ITGBL1: variants seen among roughly 807,000 people sequenced by gnomAD.
ITGBL1 encodes integrin beta-like protein 1.
A neutral mutation model predicts 68.5 loss-of-function variants in ITGBL1; 51 were observed. The observed-to-expected ratio is 0.74, with a 90% CI of 0.59 to 0.94. The LOEUF (loss-of-function observed/expected upper bound fraction) is 0.94. Ranked by LOEUF, ITGBL1 falls within the 40% of genes least tolerant of loss-of-function variation. ITGBL1 has a pLI of 0.00. For synonymous variants in ITGBL1, 209 were observed against 227.3 expected (o/e 0.92, Z 0.72); for missense variants, 649 against 647.4 (o/e 1.00, Z -0.03).
intron 3 of ITGBL1, among the ~76,000 whole-genome samples, chr13:101,571,965 A>T (rs1265335083): frequency 1.3e-5 from 2 of 152,188 alleles, no homozygotes; most frequent in African/African-American, 2.4e-5. Context: ...GCACAGAATG[A>T]TCTAGTGCAC....
chr13:101,639,083 G>C (rs1019295338), intron 7 of ITGBL1, among the ~76,000 whole-genome samples: 1 of 152,152 alleles, frequency 6.6e-6, no homozygotes, highest in Non-Finnish European at 1.5e-5. Flanking sequence ...AAACGCCCCA[G>C]TCCTGTCTCC....
intron 2 of ITGBL1, among the ~76,000 whole-genome samples, chr13:101,521,556 G>C (rs1463515719): frequency 6.6e-6 from 1 of 152,034 alleles, no homozygotes; most frequent in South Asian, 2.1e-4. Flanking sequence ...GAGAAGGGAG[G>C]GTGGGAGGAG....
chr13:101,655,790 A>G (rs1292796921), intron 7 of ITGBL1, among the ~76,000 whole-genome samples: 1 of 152,226 alleles, frequency 6.6e-6, no homozygotes, highest in Non-Finnish European at 1.5e-5. Context: ...GCCACAAGTG[A>G]TAATTGGCAA....
chr13:101,539,049 TC>T (rs1164756102), intron 2 of ITGBL1, among the ~76,000 whole-genome samples: 5 of 132,336 alleles, frequency 3.8e-5, no homozygotes, highest in African/African-American at 5.4e-5. Flanking sequence ...CTGTGCTGCT[TC>T]TTTTTTTTTT....
Position 101,543,904 on chromosome 13 carries a change from C to T in ITGBL1, c.317-23795C>T, listed in dbSNP as rs531983783. ...CTCGTGCCTTGGTTTTCAGCTCCATCGGGTCCTTTAAGGACTTCTCTGCAT... is the reference window on the plus strand; with the variant it reads ...CTCGTGCCTTGGTTTTCAGCTCCATTGGGTCCTTTAAGGACTTCTCTGCAT... On this transcript the variant is annotated intron_variant, in intron 2 of 10. Transcript: ENST00000376180. Among the ~76,000 whole-genome samples, 26 of 152,336 alleles carry T rather than the reference C, an allele frequency of 1.7e-4. 1 individual carries two copies. In the South Asian group the frequency reaches 4.8e-3, roughly 28 times the overall value.
At chr13:101,519,573 T>C (rs926863283) in intron 2 of ITGBL1, among the ~76,000 whole-genome samples, 5 of 152,058 alleles carry the variant, frequency 3.3e-5, no homozygotes, top group Non-Finnish European at 7.4e-5. Flanking sequence ...AGAGAATAAA[T>C]ATAAAGTTTG....
intron 2 of ITGBL1, among the ~76,000 whole-genome samples, chr13:101,514,470 G>A (rs1024035466): frequency 1.3e-5 from 2 of 151,812 alleles, no homozygotes. Context: ...TTTTGGTTAG[G>A]AATCAGTTTT....
chr13:101,535,347 A>G (rs1223119121), intron 2 of ITGBL1, among the ~76,000 whole-genome samples: 1 of 152,088 alleles, frequency 6.6e-6, no homozygotes, highest in Non-Finnish European at 1.5e-5. Context: ...CCACTCTTTC[A>G]GAGCTCCAGG....
At chr13:101,571,925 TAGTC>T (rs2050279843) in intron 3 of ITGBL1, among the ~76,000 whole-genome samples, 2 of 148,084 alleles carry the variant, frequency 1.4e-5, no homozygotes, top group East Asian at 1.9e-4. Context: ...ATTTAGACAG[TAGTC>T]AGTATTTTGG....
intron 7 of ITGBL1, among the ~76,000 whole-genome samples, chr13:101,665,115 G>A (rs182942113): frequency 3.6e-4 from 55 of 151,820 alleles, no homozygotes; most frequent in African/African-American, 1.3e-3. Context: ...TTTTTTCTCA[G>A]CAAGGCTTTG....
chr13:101,491,088 A>G (rs1173528072), intron 2 of ITGBL1, among the ~76,000 whole-genome samples: 3 of 152,196 alleles, frequency 2.0e-5, no homozygotes, highest in Non-Finnish European at 4.4e-5. Context: ...TATAATTTGT[A>G]AGTGCTTATA....
chr13:101,456,056 C>G (rs1270328453), intron 2 of ITGBL1, among the ~76,000 whole-genome samples: 1 of 152,046 alleles, frequency 6.6e-6, no homozygotes, highest in Non-Finnish European at 1.5e-5. Context: ...CTTTTTCCCT[C>G]CCATAGAAAA....
intron 7 of ITGBL1, among the ~76,000 whole-genome samples, chr13:101,671,452 T>TTTTTTTTTTTTTTTTTG (rs1372286973): frequency 7.5e-6 from 1 of 134,096 alleles, no homozygotes; most frequent in African/African-American, 2.6e-5. Context: ...TTTTTGTTTT[T>TTTTTTTTTTTTTTTTTG]TTTTGAGACG....
At chr13:101,604,885 T>TACACACACAC (rs1449617732) in intron 7 of ITGBL1, among the ~76,000 whole-genome samples, 182 of 11,902 alleles carry the variant, frequency 0.015, 2 homozygotes, top group South Asian at 0.03. Context: ...TATATATATA[T>TACACACACAC]ATACACACAC....
chr13:101,701,588 CATTTT>C (rs2034138409), intron 8 of ITGBL1, among the ~76,000 whole-genome samples: 2 of 152,000 alleles, frequency 1.3e-5, no homozygotes, highest in Non-Finnish European at 2.9e-5. Flanking sequence ...TCTTGCATAA[CATTTT>C]ATATTATTTG....
Position 101,601,116 on chromosome 13 carries a change from G to A in ITGBL1, c.1015+2817G>A, listed in dbSNP as rs148700982. ...TATTATTGCCTCAATTTCAGAGCCTGTTATTGGTCTATTCAGAGATTCAAC... is the reference window on the plus strand; with the variant it reads ...TATTATTGCCTCAATTTCAGAGCCTATTATTGGTCTATTCAGAGATTCAAC... On this transcript the variant is annotated intron_variant, in intron 7 of 10. Transcript: ENST00000376180. 3.3e-3 allele frequency among the ~76,000 whole-genome samples: 496 copies of A among 152,300 alleles called. 1 individual carries two copies. The highest frequency in any genetic ancestry group is 0.011 in the African/African-American group (472 of 41,570).
In ITGBL1 at chr13:101,567,775, CTG is replaced by C; in HGVS notation, c.396_397del (p.Cys132Ter). 2 of 1,613,322 alleles carry C rather than the reference CTG, an allele frequency of 1.2e-6. No homozygotes were observed. Among genetic ancestry groups the C allele is most frequent in the Non-Finnish European group, 1.7e-6 (2 of 1,179,474 alleles). ...YGDACQYPTN[C>X]DLTKKKSNQM... ...GGGATGCTTGCCAGTACCCAACTAACTGTGACTTGACAAAGAAGAAAAGTAAC... is the reference window on the plus strand; with the variant it reads ...GGGATGCTTGCCAGTACCCAACTAACTGACTTGACAAAGAAGAAAAGTAAC... On this transcript the variant is annotated frameshift_variant, in exon 3 of 11. Coordinates refer to ENST00000376180, the MANE Select transcript of ITGBL1 (RefSeq NM_004791.3). LOFTEE classifies it high-confidence loss of function.
At chr13:101,668,286 G>T (rs1483169347) in intron 7 of ITGBL1, among the ~76,000 whole-genome samples, 1 of 152,148 alleles carries the variant, frequency 6.6e-6, no homozygotes, top group Non-Finnish European at 1.5e-5. Context: ...TACTTGGGAG[G>T]CTGTGTCAGG....
At position 101,585,851 on chromosome 13, in the gene ITGBL1, G is replaced by A. The variant is rs115543158; in HGVS notation, c.868+2495G>A. Among the ~76,000 whole-genome samples, 335 of 152,270 alleles carry A rather than the reference G, an allele frequency of 2.2e-3. 2 individuals are homozygous for A. Among genetic ancestry groups the A allele is most frequent in the African/African-American group, 7.3e-3 (302 of 41,554 alleles). On this transcript the variant is annotated intron_variant, in intron 6 of 10. Transcript: ENST00000376180. ...TTGTAAGTGTGTGACTTGCTGATATGGAGCCCCTTTTTCCTATGGGTATTC... is the reference window on the plus strand; with the variant it reads ...TTGTAAGTGTGTGACTTGCTGATATAGAGCCCCTTTTTCCTATGGGTATTC...
Sources: gnomAD v4.1 joint callset for allele counts (sites outside exome capture counted in the v4.1 genomes callset) on GRCh38, gnomAD v4.1.1 for gene constraint, MANE v1.5 for transcripts, NCBI Gene and HGNC (gene_info 2026-07-23, HGNC 2026-07-21) for gene names.